ADARB2: variants seen among roughly 807,000 people sequenced by gnomAD.
ADARB2 encodes the protein inactive double-stranded RNA-specific editase B2.
A neutral mutation model predicts 62.2 loss-of-function variants in ADARB2; 25 were observed. That is an observed-to-expected ratio of 0.40 (90% CI 0.29 to 0.56). ADARB2 has a LOEUF of 0.56. Ranked by LOEUF, ADARB2 falls within the 20% of genes least tolerant of loss-of-function variation. The probability of loss-of-function intolerance (pLI) is 0.43; values close to 1 mark genes in which losing one functional copy is unlikely to be tolerated. For missense variants in ADARB2, 1,071 were observed against 1,077.4 expected (o/e 0.99, Z 0.08); for synonymous variants, 572 against 500.8 (o/e 1.14, Z -1.90).
At chr10:1,241,809 T>G (rs1318286710) in intron 5 of ADARB2, among the ~76,000 whole-genome samples, 1 of 152,110 alleles carries the variant, frequency 6.6e-6, no homozygotes, top group Non-Finnish European at 1.5e-5. Context: ...AAGGGGGCAG[T>G]GCAGGAATGT....
intron 7 of ADARB2, among the ~76,000 whole-genome samples, chr10:1,210,493 G>A (rs1427335091): frequency 6.6e-6 from 1 of 152,180 alleles, no homozygotes; most frequent in Non-Finnish European, 1.5e-5. Context: ...AAATGTATGA[G>A]CAGCACACAT....
At chr10:1,274,462 G>A (rs1299834383) in intron 3 of ADARB2, among the ~76,000 whole-genome samples, 1 of 149,198 alleles carries the variant, frequency 6.7e-6, no homozygotes, top group East Asian at 1.9e-4. Context: ...GTAGCTCTTT[G>A]TTTTTTTTTT....
At chr10:1,576,346 C>T (rs1833021265) in intron 1 of ADARB2, among the ~76,000 whole-genome samples, 1 of 145,804 alleles carries the variant, frequency 6.9e-6, no homozygotes. Context: ...GGATGGGTCT[C>T]AGGGTCACAG....
chr10:1,545,511 T>G (rs1832505125), intron 1 of ADARB2, among the ~76,000 whole-genome samples: 1 of 152,190 alleles, frequency 6.6e-6, no homozygotes. Flanking sequence ...CCGCGGGCAG[T>G]GACCTTGACT....
intron 6 of ADARB2, among the ~76,000 whole-genome samples, chr10:1,229,175 A>C (rs1589158361): frequency 2.0e-5 from 3 of 152,236 alleles, no homozygotes; most frequent in Non-Finnish European, 2.9e-5. Flanking sequence ...GGAATGGGGA[A>C]TTTATGATCT....
chr10:1,445,331 C>T (rs995225270), intron 1 of ADARB2, among the ~76,000 whole-genome samples: 1 of 151,606 alleles, frequency 6.6e-6, no homozygotes, highest in East Asian at 1.9e-4. Context: ...TTTCATCTGT[C>T]CATTCGTTAT....
Position 1,523,828 on chromosome 10 carries a change from TCTC to T in ADARB2, c.101-144671_101-144669del, listed in dbSNP as rs1453703779. On this transcript the variant is annotated intron_variant, in intron 1 of 9. Coordinates refer to ENST00000381312, the MANE Select transcript of ADARB2 (RefSeq NM_018702.4). ...ATTTTCTAATCTGTCATCCTTTTAA[TCTC>T]CTATTTTATAAATGCTCTTTTCTGT... is the stretch of plus-strand genomic sequence containing the variant. Among the ~76,000 whole-genome samples, 7 of 152,296 alleles carry T rather than the reference TCTC, an allele frequency of 4.6e-5. No individual in the cohort carries two copies. In the South Asian group the frequency reaches 6.2e-4, roughly 14 times the overall value.
At chr10:1,591,663 A>ACACACACACACACG (rs1274852101) in intron 1 of ADARB2, among the ~76,000 whole-genome samples, 1 of 151,100 alleles carries the variant, frequency 6.6e-6, no homozygotes, top group Non-Finnish European at 1.5e-5. Context: ...GTGCACGCAC[A>ACACACACACACACG]CACACACACA....
chr10:1,213,634 C>A (rs542876674), intron 7 of ADARB2, among the ~76,000 whole-genome samples: 1 of 152,362 alleles, frequency 6.6e-6, no homozygotes, highest in South Asian at 2.1e-4. Flanking sequence ...TTCAGGAATT[C>A]TCACTCTAGC....
At position 1,192,891 on chromosome 10, in the gene ADARB2, C is replaced by T. The variant is rs575308109; in HGVS notation, c.1864+7075G>A. Among the ~76,000 whole-genome samples, 6 of 152,330 alleles carry T rather than the reference C, an allele frequency of 3.9e-5. No homozygotes were observed. In the South Asian group the frequency reaches 8.3e-4, roughly 21 times the overall value. ...CCGGGAGGCAGAGGTTGCAGTGAGC[C>T]GAGATCGCGCCACTGCATTCCCGCC... On this transcript the variant is annotated intron_variant, in intron 8 of 9. Coordinates refer to ENST00000381312, the MANE Select transcript of ADARB2 (RefSeq NM_018702.4).
At chr10:1,183,506 T>C (rs1836709218) in intron 9 of ADARB2, 137 bp from the exon 10 acceptor site, 1 of 1,074,498 alleles carries the variant, frequency 9.3e-7, no homozygotes, top group African/African-American at 1.6e-5. Context: ...AGAGAGCAAC[T>C]GTGACCAGGT....
chr10:1,474,157 G>A (rs776558679), intron 1 of ADARB2, among the ~76,000 whole-genome samples: 14 of 152,112 alleles, frequency 9.2e-5, no homozygotes, highest in East Asian at 3.9e-4. Context: ...TGGCCTTCGC[G>A]TGTATCTCAC....
intron 4 of ADARB2, among the ~76,000 whole-genome samples, chr10:1,252,458 A>C (rs1309950586): frequency 5.9e-5 from 9 of 152,062 alleles, no homozygotes; most frequent in African/African-American, 2.2e-4. Context: ...GTGTTAGGAA[A>C]CCTTCTTCAG....
At chr10:1,384,358 G>A (rs1832508635) in intron 1 of ADARB2, among the ~76,000 whole-genome samples, 1 of 152,198 alleles carries the variant, frequency 6.6e-6, no homozygotes. Context: ...GAAATGGTAA[G>A]TGCATTATAG....
chr10:1,407,017 C>T (rs1328241936), intron 1 of ADARB2, among the ~76,000 whole-genome samples: 1 of 152,240 alleles, frequency 6.6e-6, no homozygotes, highest in Non-Finnish European at 1.5e-5. Context: ...TGCGTCTCCT[C>T]CTTTGGCTGT....
At chr10:1,681,267 C>T (rs999782085) in intron 1 of ADARB2, among the ~76,000 whole-genome samples, 10 of 152,196 alleles carry the variant, frequency 6.6e-5, no homozygotes, top group Non-Finnish European at 1.2e-4. Context: ...ATGTCCAAGC[C>T]ATGCAGAGCA....
At chr10:1,524,122 A>G (rs977673159) in intron 1 of ADARB2, among the ~76,000 whole-genome samples, 16 of 152,346 alleles carry the variant, frequency 1.1e-4, no homozygotes, top group African/African-American at 3.1e-4. Context: ...GAGAGAATAG[A>G]TGATAGGTAG....
At chr10:1,724,000 G>C (rs116636011) in intron 1 of ADARB2, among the ~76,000 whole-genome samples, 1 of 152,194 alleles carries the variant, frequency 6.6e-6, no homozygotes, top group African/African-American at 2.4e-5. Flanking sequence ...AAATGTTTCC[G>C]AAGGTGAATT....
intron 1 of ADARB2, among the ~76,000 whole-genome samples, chr10:1,521,525 A>G (rs1483203047): frequency 6.6e-6 from 1 of 152,244 alleles, no homozygotes; most frequent in Non-Finnish European, 1.5e-5. Context: ...GGGGTCAGAC[A>G]TGCCTCATGA....
Sources: allele counts gnomAD v4.1 joint callset (sites outside exome capture counted in the v4.1 genomes callset), GRCh38; gene constraint gnomAD v4.1.1; transcripts MANE v1.5; gene names NCBI Gene and HGNC (gene_info 2026-07-23, HGNC 2026-07-21).